DHTKD1: variants seen among roughly 807,000 people sequenced by gnomAD.
DHTKD1 encodes 2-oxoadipate dehydrogenase complex component E1.
DHTKD1 carries 78 observed loss-of-function variants against 101.8 expected under a neutral mutation model. The observed-to-expected ratio is 0.77, with a 90% confidence interval of 0.64 to 0.93. DHTKD1 has a LOEUF of 0.93. Among genes scored for constraint, DHTKD1 ranks in the 40% least tolerant of loss-of-function variants. DHTKD1 has a pLI of 0.00. For synonymous variants in DHTKD1, 462 were observed against 450.3 expected, an observed-to-expected ratio of 1.03 and a Z score of -0.33; for missense variants, 1,223 against 1,161.7, an observed-to-expected ratio of 1.05 and a Z score of -0.77.
intron 8 of DHTKD1, 90 bp from the exon 9 acceptor site, chr10:12,100,088 G>T: frequency 1.4e-6 from 1 of 724,700 alleles, no homozygotes; most frequent in Admixed American, 2.6e-5. Flanking sequence ...GAGCCACCAT[G>T]CCTGGCCTGC....
At chr10:12,105,632 C>T (rs764995251) in intron 10 of DHTKD1, among the ~76,000 whole-genome samples, 1 of 152,068 alleles carries the variant, frequency 6.6e-6, no homozygotes, top group Non-Finnish European at 1.5e-5. Context: ...GCTTATAAGA[C>T]GCAGTTGTAT....
Position 12,106,339 on chromosome 10 carries a change from C to T in DHTKD1, c.1990C>T (p.Gln664Ter). ...SPKLLPLWEA[Q>*]FGDFFNGAQI... is the part of the protein sequence containing the mutation. ...AAAGTTACTGCCCCTGTGGGAGGCA[C>T]AGTTTGGCGATTTCTTCAATGGTGC... is the stretch of plus-strand genomic sequence containing the variant. Residue 664 changes from glutamine (Q) to a stop codon, truncating the protein, a stop_gained, in exon 11 of 17, where the codon CAG becomes TAG. Coordinates refer to ENST00000263035, the MANE Select transcript of DHTKD1 (RefSeq NM_018706.7). LOFTEE classifies it high-confidence loss of function. The T allele has an allele frequency of 1.2e-6, 2 of 1,614,182 alleles. No homozygotes were observed. Among genetic ancestry groups the T allele is most frequent in the Non-Finnish European group, 8.5e-7 (1 of 1,180,042 alleles).
rs999309957 is a variant in DHTKD1, at chr10:12,107,186, C to T, written c.2048-723C>T. On this transcript the variant is annotated intron_variant, in intron 11 of 16. Coordinates refer to ENST00000263035, the MANE Select transcript of DHTKD1 (RefSeq NM_018706.7). The surrounding 1 kb of genome is among the most constrained non-coding windows in gnomAD (Gnocchi z 4.1). ...TATTTTTAGTAGAGATGGGGTTTCA[C>T]CGTGTCAGCCGGGATGGTCTCGTTC... Among the ~76,000 whole-genome samples the T allele has an allele frequency of 4.0e-5, 6 of 151,846 alleles. No homozygotes were observed. Among genetic ancestry groups the T allele is most frequent in the Non-Finnish European group, 8.8e-5 (6 of 67,984 alleles).
At chr10:12,082,226 C>T (rs761658810) in intron 2 of DHTKD1, among the ~76,000 whole-genome samples, 9 of 152,140 alleles carry the variant, frequency 5.9e-5, no homozygotes, top group Non-Finnish European at 1.3e-4. Flanking sequence ...TTATTGTCCT[C>T]TTTATTTTGT....
intron 1 of DHTKD1, among the ~76,000 whole-genome samples, chr10:12,078,155 T>C (rs945871338): frequency 8.7e-4 from 133 of 152,058 alleles, no homozygotes; most frequent in African/African-American, 3.1e-3. Flanking sequence ...CCAGTCACAG[T>C]GGCTCATGCC....
chr10:12,072,668 G>C (rs1012256445), intron 1 of DHTKD1, among the ~76,000 whole-genome samples: 3 of 151,192 alleles, frequency 2.0e-5, no homozygotes, highest in African/African-American at 7.3e-5. Context: ...AAGGAAACTT[G>C]AATTTATTTA....
At chr10:12,089,318 G>C in intron 5 of DHTKD1, 63 bp downstream of exon 5, 1 of 1,509,368 alleles carries the variant, frequency 6.6e-7, no homozygotes, top group African/African-American at 1.4e-5. Flanking sequence ...GTGTGGGTTG[G>C]GAGGGCTGAA....
chr10:12,120,589 G>T (rs769939699), intron 16 of DHTKD1, among the ~76,000 whole-genome samples, 198 bp from the exon 17 acceptor site: 7 of 151,970 alleles, frequency 4.6e-5, no homozygotes, highest in Non-Finnish European at 8.8e-5. Context: ...GCCCACCTCG[G>T]CCTCCCAAAG....
chr10:12,115,899 C>CT (rs1478171423), intron 13 of DHTKD1, among the ~76,000 whole-genome samples: 2 of 150,966 alleles, frequency 1.3e-5, no homozygotes, highest in Admixed American at 6.6e-5. Flanking sequence ...GTAGCTGGGA[C>CT]TATTAGGTGT....
chr10:12,085,273 G>T (rs574310883), intron 3 of DHTKD1, among the ~76,000 whole-genome samples: 1 of 151,900 alleles, frequency 6.6e-6, no homozygotes, highest in Non-Finnish European at 1.5e-5. Context: ...TCGCGCCACT[G>T]CACTCCAGCC....
intron 1 of DHTKD1, among the ~76,000 whole-genome samples, chr10:12,080,338 A>G (rs978788707): frequency 6.6e-6 from 1 of 151,096 alleles, no homozygotes; most frequent in African/African-American, 2.4e-5. Context: ...TTGGCAGTGC[A>G]TAGAATACAA....
At chr10:12,097,591 C>A in intron 7 of DHTKD1, 93 bp from the exon 8 acceptor site, 1 of 1,162,978 alleles carries the variant, frequency 8.6e-7, no homozygotes, top group Non-Finnish European at 1.2e-6. Context: ...TTTTAGAGTG[C>A]TGACACTCCA....
chr10:12,110,861 G>C lies in DHTKD1; in HGVS notation c.2155-2039G>C, dbSNP rs1833318955. Among the ~76,000 whole-genome samples the C allele has an allele frequency of 1.3e-5, 2 of 151,874 alleles. No individual in the cohort carries two copies. The highest frequency in any genetic ancestry group is 4.2e-4 in the South Asian group (2 of 4,814). On this transcript the variant is annotated intron_variant, in intron 12 of 16. Transcript: ENST00000263035. The surrounding 1 kb of genome is among the most constrained non-coding windows in gnomAD (Gnocchi z 4.9). The stretch of plus-strand genomic sequence containing the variant: ...GAGACCAGCCTGGGCAACATGGTGA[G>C]ACCCCATTTCTGCTAAAAATAAAAC...
chr10:12,118,307 C>T (rs1347511745), intron 14 of DHTKD1, among the ~76,000 whole-genome samples: 1 of 151,850 alleles, frequency 6.6e-6, no homozygotes, highest in East Asian at 1.9e-4. Flanking sequence ...TGACTGAACT[C>T]GGCTGCAGAG....
chr10:12,095,734 A>AC (rs1833057116), intron 7 of DHTKD1, among the ~76,000 whole-genome samples: 1 of 140,938 alleles, frequency 7.1e-6, no homozygotes, highest in African/African-American at 2.6e-5. Context: ...AATGGCGTGA[A>AC]CCCGGGAGGC....
chr10:12,088,880 T>C (rs1435844941), intron 4 of DHTKD1, 106 bp from the exon 5 acceptor site: 21 of 1,093,202 alleles, frequency 1.9e-5, no homozygotes, highest in Non-Finnish European at 2.7e-6. Flanking sequence ...CCACCACTCC[T>C]GGCTTTAAAT....
rs531826112 is a variant in DHTKD1, at chr10:12,103,817, A to C, written c.1897-2429A>C. Among the ~76,000 whole-genome samples the C allele has an allele frequency of 2.6e-5, 4 of 152,208 alleles. No homozygotes were observed. The highest frequency in any genetic ancestry group is 7.2e-5 in the African/African-American group (3 of 41,554). On this transcript the variant is annotated intron_variant, in intron 10 of 16. Coordinates refer to ENST00000263035, the MANE Select transcript of DHTKD1 (RefSeq NM_018706.7). The surrounding 1 kb of genome is among the most constrained non-coding windows in gnomAD (Gnocchi z 4.8). ...AGATGTGAGCTGCCGTGCCCAGCCT[A>C]GAGGGTTTTTATTTTTTTAAGTAAA...
intron 13 of DHTKD1, among the ~76,000 whole-genome samples, chr10:12,113,881 C>T (rs1833373578): frequency 1.3e-5 from 2 of 152,082 alleles, no homozygotes; most frequent in African/African-American, 4.8e-5. Context: ...GACCATGCCA[C>T]TACACTCCAG....
chr10:12,118,431 G>A (rs113607972), intron 14 of DHTKD1, among the ~76,000 whole-genome samples: 1,552 of 145,858 alleles, frequency 0.011, 38 homozygotes, highest in African/African-American at 0.037. Flanking sequence ...CGCCCAGGCT[G>A]GAGTGCAGTG....
Sources: allele counts gnomAD v4.1 joint callset (sites outside exome capture counted in the v4.1 genomes callset), GRCh38; gene constraint gnomAD v4.1.1; non-coding constraint Gnocchi (gnomAD v3.1); transcripts MANE v1.5; gene names NCBI Gene and HGNC (gene_info 2026-07-23, HGNC 2026-07-21).